The following TTLL5 variants were observed in gnomAD, a reference collection of about 807,000 sequenced individuals.
TTLL5 encodes tubulin tyrosine ligase like 5, also known as tubulin polyglutamylase TTLL5.
A neutral mutation model predicts 168.4 loss-of-function variants in TTLL5; 132 were observed. The ratio of observed to expected loss-of-function variants is 0.78; its 90% confidence interval spans 0.68 to 0.91. The LOEUF (loss-of-function observed/expected upper bound fraction) is 0.91. Ranked by LOEUF, TTLL5 falls within the 40% of genes least tolerant of loss-of-function variation. The pLI is 0.00. For missense variants in TTLL5, 1,545 were observed against 1,581.5 expected (o/e 0.98, Z 0.39); for synonymous variants, 546 against 558.6 (o/e 0.98, Z 0.32).
intron 28 of TTLL5, among the ~76,000 whole-genome samples, chr14:75,861,871 C>T (rs1240797502): frequency 1.3e-5 from 2 of 152,124 alleles, no homozygotes; most frequent in East Asian, 3.9e-4. Context: ...TAAAATTTAC[C>T]ATTTTAACCA....
intron 21 of TTLL5, among the ~76,000 whole-genome samples, chr14:75,774,869 C>T (rs1191506163): frequency 6.6e-6 from 1 of 151,574 alleles, no homozygotes; most frequent in African/African-American, 2.4e-5. Flanking sequence ...TTGTATTTTT[C>T]GTAGAAATGC....
chr14:75,910,006 G>A (rs780423033), intron 31 of TTLL5, among the ~76,000 whole-genome samples: 78 of 152,232 alleles, frequency 5.1e-4, no homozygotes, highest in Non-Finnish European at 1.8e-4. Context: ...TAGTTTGGGG[G>A]AGAGAATAGG....
intron 28 of TTLL5, among the ~76,000 whole-genome samples, chr14:75,825,273 G>A (rs553491732): frequency 3.3e-5 from 5 of 152,278 alleles, no homozygotes; most frequent in Admixed American, 3.3e-4. Flanking sequence ...TCACCACTTA[G>A]TTTAGTACCT....
At chr14:75,926,234 A>G (rs1327067570) in intron 31 of TTLL5, among the ~76,000 whole-genome samples, 5 of 119,394 alleles carry the variant, frequency 4.2e-5, no homozygotes, top group African/African-American at 1.3e-4. Flanking sequence ...TTTTGAGCCT[A>G]TGTGTGTCTC....
chr14:75,807,002 A>T (rs141960543), intron 27 of TTLL5, among the ~76,000 whole-genome samples: 1,889 of 152,220 alleles, frequency 0.012, 15 homozygotes, highest in South Asian at 0.025. Flanking sequence ...ATTATTTTGC[A>T]TCTTTTCTTT....
intron 2 of TTLL5, among the ~76,000 whole-genome samples, chr14:75,665,198 A>G (rs1421603506): frequency 2.0e-5 from 3 of 152,378 alleles, no homozygotes; most frequent in Admixed American, 6.5e-5. Context: ...CACATTTGTA[A>G]CATAGTAATA....
rs2032949917 is a variant in TTLL5 at position 75,902,131 on chromosome 14, T to C, written c.3741-11T>C. 6.2e-7 allele frequency: 1 copy of C among 1,613,886 alleles called. No individual in the cohort carries two copies. Among genetic ancestry groups the C allele is most frequent in the African/African-American group, 1.3e-5 (1 of 74,894 alleles). ...CGCCTGCAGGTCTGACCAAGCTCCT[T>C]TGTGTTTCAGAGGGTCCTCCGCGGA... On this transcript the variant is annotated splice_polypyrimidine_tract_variant and intron_variant, in intron 30 of 31. Transcript: ENST00000298832.
At chr14:75,763,195 G>C (rs896685566) in intron 18 of TTLL5, among the ~76,000 whole-genome samples, 7 of 151,566 alleles carry the variant, frequency 4.6e-5, no homozygotes, top group African/African-American at 1.7e-4. Flanking sequence ...CTTTCTATCA[G>C]ATTTGTTTTA....
rs1160279391 is a variant in TTLL5 at position 75,745,606 on chromosome 14, A to C, written c.1487+25A>C. On this transcript the variant is annotated intron_variant, in intron 17 of 31. Coordinates refer to ENST00000298832, the MANE Select transcript of TTLL5 (RefSeq NM_015072.5). ...GGTGAGGTGACTACCTTTTTTTTTT[A>C]TTCTTTACCTGAGGTCCATAGAATT... 3 of 1,545,306 alleles carry C rather than the reference A, an allele frequency of 1.9e-6. No individual in the cohort carries two copies. In the African/African-American group the frequency reaches 4.1e-5, roughly 21 times the overall value.
rs150908704 is a variant in TTLL5, at chr14:75,713,701, A to G, written c.741-4160A>G. ...CTGAAGGAAGAGTGGAGACTGGAGA[A>G]TGGAGAGTACATGTCTCATCTAAAG... On this transcript the variant is annotated intron_variant, in intron 9 of 31. Coordinates refer to ENST00000298832, the MANE Select transcript of TTLL5 (RefSeq NM_015072.5). Among the ~76,000 whole-genome samples, 1,387 of 152,324 alleles carry G rather than the reference A, an allele frequency of 9.1e-3. 19 individuals carry two copies. Among genetic ancestry groups the G allele is most frequent in the African/African-American group, 0.029 (1,188 of 41,580 alleles).
At chr14:75,829,162 T>G (rs181389601) in intron 28 of TTLL5, among the ~76,000 whole-genome samples, 103 of 152,254 alleles carry the variant, frequency 6.8e-4, no homozygotes, top group Non-Finnish European at 1.2e-3. Context: ...GAAAACTTCA[T>G]GGAAAAGAAA....
intron 31 of TTLL5, among the ~76,000 whole-genome samples, chr14:75,924,852 A>G: frequency 6.6e-6 from 1 of 151,304 alleles, no homozygotes; most frequent in African/African-American, 2.4e-5. Flanking sequence ...ACATCCCAGT[A>G]GGGGCGGCCG....
intron 28 of TTLL5, among the ~76,000 whole-genome samples, chr14:75,823,257 T>C (rs1894938055): frequency 6.6e-6 from 1 of 152,232 alleles, no homozygotes; most frequent in Non-Finnish European, 1.5e-5. Flanking sequence ...CTTTTAATTA[T>C]CCATTTTTGG....
At position 75,783,387 on chromosome 14, in the gene TTLL5, A is replaced by C. The variant is rs932533999; in HGVS notation, c.2843A>C (p.His948Pro). ...TCTGCCAGTGCTTCTCCCTGCCTAC[A>C]TCCCGGGGCACAGAACATCCCAAGC... ...TVSASASPCL[H>P]PGAQNIPSPT... Residue 948 changes from histidine to proline, a missense_variant, in exon 26 of 32, where the codon CAT becomes CCT. His to Pro is a moderately conservative substitution (Grantham distance 77). Transcript: ENST00000298832. 3.7e-6 allele frequency: 6 copies of C among 1,614,136 alleles called. No individual in the cohort carries two copies. Among genetic ancestry groups the C allele is most frequent in the Non-Finnish European group, 5.1e-6 (6 of 1,180,032 alleles).
At chr14:75,774,299 C>T (rs1459443428) in intron 21 of TTLL5, among the ~76,000 whole-genome samples, 2 of 152,134 alleles carry the variant, frequency 1.3e-5, no homozygotes, top group Non-Finnish European at 2.9e-5. Context: ...CCTTTGCCCC[C>T]ATCTTCTGTG....
At chr14:75,709,370 C>T (rs1019647485) in intron 9 of TTLL5, 15 of 580,810 alleles carry the variant, frequency 2.6e-5, no homozygotes, top group African/African-American at 2.0e-4. Context: ...AACCAAACCT[C>T]GCTGGTGGAG....
chr14:75,937,730 T>G (rs2034477363), intron 31 of TTLL5, among the ~76,000 whole-genome samples: 4 of 152,242 alleles, frequency 2.6e-5, no homozygotes, highest in African/African-American at 9.6e-5. Context: ...ATTTAATGTA[T>G]GTATACACCA....
At chr14:75,831,505 T>G (rs966045606) in intron 28 of TTLL5, among the ~76,000 whole-genome samples, 6 of 152,138 alleles carry the variant, frequency 3.9e-5, no homozygotes, top group African/African-American at 1.2e-4. Flanking sequence ...CTCCCTCTAC[T>G]GCCCACAGCC....
intron 27 of TTLL5, among the ~76,000 whole-genome samples, chr14:75,808,752 G>A (rs1255583596): frequency 6.6e-6 from 1 of 152,000 alleles, no homozygotes; most frequent in Non-Finnish European, 1.5e-5. Context: ...CAAAGCTATG[G>A]CATGTTCAAT....
Sources: gnomAD v4.1 joint callset for allele counts (sites outside exome capture counted in the v4.1 genomes callset) on GRCh38, gnomAD v4.1.1 for gene constraint, MANE v1.5 for transcripts, NCBI Gene and HGNC (gene_info 2026-07-23, HGNC 2026-07-21) for gene names.